CNTN5: variants seen among roughly 807,000 people sequenced by gnomAD.
CNTN5 encodes the protein contactin 5.
CNTN5 carries 77 observed loss-of-function variants against 129.1 expected under a neutral mutation model. That is an observed-to-expected ratio of 0.60 (90% CI 0.50 to 0.72). CNTN5 has a LOEUF of 0.72. Among genes scored for constraint, CNTN5 ranks in the 30% least tolerant of loss-of-function variants. The probability of loss-of-function intolerance (pLI) is 0.00; values close to 1 mark genes in which losing one functional copy is unlikely to be tolerated. For synonymous variants in CNTN5, 509 were observed against 465.6 expected (o/e 1.09, Z -1.20); for missense variants, 1,478 against 1,328.8 (o/e 1.11, Z -1.75).
At chr11:99,432,530 T>A (rs1943431085) in intron 2 of CNTN5, among the ~76,000 whole-genome samples, 1 of 150,502 alleles carries the variant, frequency 6.6e-6, no homozygotes, top group Non-Finnish European at 1.5e-5. Flanking sequence ...CTTTGTTTCT[T>A]TTTTAGGGGC....
intron 3 of CNTN5, among the ~76,000 whole-genome samples, chr11:99,646,255 A>C (rs1311194035): frequency 6.6e-6 from 1 of 152,244 alleles, no homozygotes; most frequent in African/African-American, 2.4e-5. Flanking sequence ...GCTGGATAGC[A>C]AACTACATAA....
At chr11:100,119,290 A>C (rs1945940191) in intron 13 of CNTN5, among the ~76,000 whole-genome samples, 1 of 151,934 alleles carries the variant, frequency 6.6e-6, no homozygotes. Context: ...CAATTTGTCC[A>C]TGGTTATTCA....
At chr11:100,041,921 T>A (rs1260414999) in intron 9 of CNTN5, among the ~76,000 whole-genome samples, 1 of 152,172 alleles carries the variant, frequency 6.6e-6, no homozygotes, top group Non-Finnish European at 1.5e-5. Context: ...AGTTAATACA[T>A]AATCACACGT....
At chr11:100,340,746 G>T (rs1426433692) in intron 22 of CNTN5, 97 bp downstream of exon 22, 1 of 1,092,710 alleles carries the variant, frequency 9.2e-7, no homozygotes, top group African/African-American at 1.6e-5. Flanking sequence ...CAGAGTCAAA[G>T]GGGAGTTTTG....
At chr11:100,153,831 T>C (rs1947143330) in intron 13 of CNTN5, among the ~76,000 whole-genome samples, 1 of 152,002 alleles carries the variant, frequency 6.6e-6, no homozygotes, top group South Asian at 2.1e-4. Context: ...TGTTTATATA[T>C]GGAATAGATT....
chr11:99,814,118 T>G (rs886559086), intron 3 of CNTN5, among the ~76,000 whole-genome samples: 17 of 152,056 alleles, frequency 1.1e-4, no homozygotes, highest in African/African-American at 4.1e-4. Flanking sequence ...ACAGAAGGAA[T>G]CATCTGGAGA....
intron 1 of CNTN5, among the ~76,000 whole-genome samples, chr11:99,039,356 C>G (rs938287551): frequency 2.6e-5 from 4 of 152,100 alleles, no homozygotes; most frequent in African/African-American, 7.2e-5. Flanking sequence ...ATTCTTCAGA[C>G]CAATCCCTTC....
chr11:99,042,212 A>C (rs948462485), intron 1 of CNTN5, among the ~76,000 whole-genome samples: 1 of 151,780 alleles, frequency 6.6e-6, no homozygotes, highest in East Asian at 2.0e-4. Context: ...TATTTTTAAA[A>C]GTTTTTCTTT....
intron 2 of CNTN5, among the ~76,000 whole-genome samples, chr11:99,374,269 T>G (rs1475310153): frequency 6.6e-6 from 1 of 152,204 alleles, no homozygotes; most frequent in Non-Finnish European, 1.5e-5. Context: ...AAGATAATAT[T>G]AAATTTAAAA....
chr11:100,016,869 G>A (rs1047388225), intron 9 of CNTN5, among the ~76,000 whole-genome samples: 22 of 151,270 alleles, frequency 1.5e-4, no homozygotes, highest in Admixed American at 8.6e-4. Flanking sequence ...TGTGTGACCG[G>A]TCACTGGTTT....
At chr11:100,086,037 G>T (rs1355990724) in intron 13 of CNTN5, among the ~76,000 whole-genome samples, 1 of 151,792 alleles carries the variant, frequency 6.6e-6, no homozygotes, top group African/African-American at 2.4e-5. Flanking sequence ...TTTGTCCAGG[G>T]TATAGACTAT....
At position 99,764,066 on chromosome 11, in the gene CNTN5, A is replaced by T. The variant is rs1944673849; in HGVS notation, c.56-55478A>T. On this transcript the variant is annotated intron_variant, in intron 3 of 24. Coordinates refer to ENST00000524871, the MANE Select transcript of CNTN5 (RefSeq NM_014361.4). Reference sequence around the variant, plus strand: ...GAAATGATATCATTAGCAATTATTTACATTTCTGTTGTAAAAATTTAGATA... The same window carrying T: ...GAAATGATATCATTAGCAATTATTTTCATTTCTGTTGTAAAAATTTAGATA... Among the ~76,000 whole-genome samples, 4 of 152,158 alleles carry T rather than the reference A, an allele frequency of 2.6e-5. No individual in the cohort carries two copies. The South Asian group carries it at 8.3e-4, about 31-fold the overall frequency.
intron 1 of CNTN5, among the ~76,000 whole-genome samples, chr11:99,150,524 T>C (rs1261590637): frequency 6.6e-6 from 1 of 152,030 alleles, no homozygotes; most frequent in African/African-American, 2.4e-5. Context: ...TTTTGCCTTT[T>C]CCTTAAAATT....
chr11:99,256,283 G>T (rs1313499487), intron 1 of CNTN5, among the ~76,000 whole-genome samples: 1 of 151,968 alleles, frequency 6.6e-6, no homozygotes, highest in African/African-American at 2.4e-5. Flanking sequence ...CAAGCATTTA[G>T]ATTTTTATAA....
intron 3 of CNTN5, among the ~76,000 whole-genome samples, chr11:99,695,738 TAGAAAGAA>T (rs756192868): frequency 6.6e-6 from 1 of 151,568 alleles, no homozygotes; most frequent in African/African-American, 2.4e-5. Context: ...AATAAATAAA[TAGAAAGAA>T]AGCGAAAAAA....
chr11:99,053,576 T>C (rs1402662013), intron 1 of CNTN5, among the ~76,000 whole-genome samples: 3 of 151,986 alleles, frequency 2.0e-5, no homozygotes, highest in African/African-American at 7.2e-5. Context: ...CTACTTCTCT[T>C]TGTTGTCTTT....
intron 1 of CNTN5, among the ~76,000 whole-genome samples, chr11:99,091,816 A>G (rs555460062): frequency 3.3e-5 from 5 of 152,334 alleles, no homozygotes; most frequent in African/African-American, 7.2e-5. Flanking sequence ...AGAGCAGAGG[A>G]ATGACAAACA....
At chr11:99,120,008 A>G (rs574892163) in intron 1 of CNTN5, among the ~76,000 whole-genome samples, 5 of 152,250 alleles carry the variant, frequency 3.3e-5, no homozygotes, top group Admixed American at 1.3e-4. Context: ...AGTTCTGTGT[A>G]GATGCTGGAC....
intron 15 of CNTN5, among the ~76,000 whole-genome samples, chr11:100,197,740 T>G (rs1025373193): frequency 6.6e-6 from 1 of 152,016 alleles, no homozygotes; most frequent in Admixed American, 6.6e-5. Context: ...CATAAAGAAG[T>G]GTTACACTGA....
Sources: gnomAD v4.1 joint callset for allele counts (sites outside exome capture counted in the v4.1 genomes callset) on GRCh38, gnomAD v4.1.1 for gene constraint, MANE v1.5 for transcripts, NCBI Gene and HGNC (gene_info 2026-07-23, HGNC 2026-07-21) for gene names.